The following POC5 variants were observed in gnomAD, a reference collection of about 807,000 sequenced individuals.
POC5 encodes POC5 centriolar protein, also known as centrosomal protein POC5.
POC5 carries 48 observed loss-of-function variants against 62.9 expected under a neutral mutation model. That is an observed-to-expected ratio of 0.76 (90% CI 0.61 to 0.97). The LOEUF (loss-of-function observed/expected upper bound fraction) is 0.97, where lower values mean the gene tolerates loss of function less well. Ranked by LOEUF, POC5 falls within the 50% of genes least tolerant of loss-of-function variation. The pLI is 0.00. For synonymous variants in POC5, 236 were observed against 228.2 expected (o/e 1.03, Z -0.31); for missense variants, 696 against 679.5 (o/e 1.02, Z -0.27).
At chr5:75,711,897 T>C (rs547121711) in intron 2 of POC5, among the ~76,000 whole-genome samples, 1 of 152,340 alleles carries the variant, frequency 6.6e-6, no homozygotes, top group African/African-American at 2.4e-5. Context: ...TTAGTATAAA[T>C]GAGTTAATCA....
intron 9 of POC5, among the ~76,000 whole-genome samples, chr5:75,687,629 A>G (rs1240510052): frequency 6.6e-6 from 1 of 152,236 alleles, no homozygotes; most frequent in African/African-American, 2.4e-5. Context: ...ATTGGCCTTT[A>G]GGAGACACAG....
In POC5 at chr5:75,677,968, TAAAAG is replaced by T. The variant is rs2112071000; in HGVS notation, c.1408-23_1408-19del. ...GGCACATACTAAGAAGAAAAAAAAA[TAAAAG>T]AAGTAACAAGGTGGCAGAAAATCCA... On this transcript the variant is annotated intron_variant, in intron 10 of 11. Coordinates refer to ENST00000428202, the MANE Select transcript of POC5 (RefSeq NM_001099271.2). The T allele has an allele frequency of 2.0e-6, 3 of 1,471,228 alleles. No individual in the cohort carries two copies. The highest frequency in any genetic ancestry group is 2.3e-5 in the Admixed American group (1 of 43,156). 91.1% of individuals were successfully genotyped at this position (1,471,228 alleles called of 1,614,324 possible).
chr5:75,689,108 CT>C lies in POC5; in HGVS notation c.1032del (p.Glu345SerfsTer7). 1 of 1,592,484 alleles carries C rather than the reference CT, an allele frequency of 6.3e-7. No individual in the cohort carries two copies. The highest frequency in any genetic ancestry group is 1.7e-5 in the Admixed American group (1 of 57,168). ...TTTTTCATGGAATCTTCAAAGTGCT[CT>C]TTTTCATGTTGCATTCTTTGAATCT... ...KAEIQRMQHE[K>X]EHFEDSMKKA... On this transcript the variant is annotated frameshift_variant, in exon 9 of 12. Coordinates refer to ENST00000428202, the MANE Select transcript of POC5 (RefSeq NM_001099271.2). LOFTEE classifies it high-confidence loss of function.
intron 9 of POC5, among the ~76,000 whole-genome samples, chr5:75,686,910 A>C (rs1776115832): frequency 6.6e-6 from 1 of 152,236 alleles, no homozygotes; most frequent in African/African-American, 2.4e-5. Context: ...ACTGCACAAC[A>C]TGAGAGGTAC....
At chr5:75,700,480 A>G (rs1474877076) in intron 5 of POC5, among the ~76,000 whole-genome samples, 2 of 151,862 alleles carry the variant, frequency 1.3e-5, no homozygotes, top group African/African-American at 2.4e-5. Context: ...AGGATTCCCT[A>G]TTTAATAAAT....
chr5:75,678,873 G>A (rs546097987), intron 10 of POC5, among the ~76,000 whole-genome samples: 6 of 152,220 alleles, frequency 3.9e-5, no homozygotes, highest in Non-Finnish European at 7.4e-5. Context: ...GGAATAACAC[G>A]TAAGTGGACT....
At chr5:75,681,877 G>C (rs1466119572) in intron 10 of POC5, among the ~76,000 whole-genome samples, 5 of 152,096 alleles carry the variant, frequency 3.3e-5, no homozygotes, top group Non-Finnish European at 7.3e-5. Context: ...AACAATGATG[G>C]TTTCACAGTA....
intron 8 of POC5, chr5:75,689,738 A>C (rs1776244139): frequency 2.2e-6 from 2 of 901,766 alleles, no homozygotes; most frequent in African/African-American, 3.6e-5. Context: ...TAATGCTGTA[A>C]TGAGTTATTT....
intron 6 of POC5, among the ~76,000 whole-genome samples, chr5:75,693,510 C>T (rs923145207): frequency 6.6e-6 from 1 of 152,038 alleles, no homozygotes; most frequent in African/African-American, 2.4e-5. Flanking sequence ...ATAAACTGAA[C>T]ATATGATATC....
intron 9 of POC5, among the ~76,000 whole-genome samples, chr5:75,688,557 G>A (rs913573636): frequency 1.3e-5 from 2 of 152,108 alleles, no homozygotes; most frequent in African/African-American, 4.8e-5. Context: ...TTGCTGCAAT[G>A]AGCTTAGTTG....
At chr5:75,694,319 A>T (rs1462186973) in intron 6 of POC5, among the ~76,000 whole-genome samples, 1 of 152,206 alleles carries the variant, frequency 6.6e-6, no homozygotes, top group Non-Finnish European at 1.5e-5. Context: ...AAACTAGTGT[A>T]CTTACATTTA....
chr5:75,682,241 C>G (rs1461562930), intron 10 of POC5, among the ~76,000 whole-genome samples: 1 of 152,194 alleles, frequency 6.6e-6, no homozygotes, highest in East Asian at 1.9e-4. Flanking sequence ...GGGTGCTAAG[C>G]AAACTCATTC....
At chr5:75,700,866 T>G (rs1776846311) in intron 5 of POC5, among the ~76,000 whole-genome samples, 1 of 138,392 alleles carries the variant, frequency 7.2e-6, no homozygotes, top group African/African-American at 2.6e-5. Context: ...CTCAAACAAA[T>G]TTACAAGAAA....
At chr5:75,716,635 G>T (rs1250134482) in intron 1 of POC5, among the ~76,000 whole-genome samples, 1 of 152,198 alleles carries the variant, frequency 6.6e-6, no homozygotes, top group Non-Finnish European at 1.5e-5. Flanking sequence ...TTTAATGGGT[G>T]GCGGACGCAC....
chr5:75,696,298 G>A (rs1291707758), intron 5 of POC5, among the ~76,000 whole-genome samples: 1 of 152,180 alleles, frequency 6.6e-6, no homozygotes, highest in Non-Finnish European at 1.5e-5. Context: ...AACCTCTGCA[G>A]ACTTAAATGT....
intron 3 of POC5, among the ~76,000 whole-genome samples, chr5:75,707,053 C>A (rs1032903787): frequency 6.6e-6 from 1 of 152,190 alleles, no homozygotes; most frequent in Non-Finnish European, 1.5e-5. Flanking sequence ...GGAGTTACGC[C>A]TATAGTGTGA....
chr5:75,690,410 G>A lies in POC5; in HGVS notation c.948C>T (p.Ser316=), dbSNP rs1386302465. Residue 316 remains serine, a synonymous_variant, in exon 8 of 12, where the codon TCC becomes TCT. Transcript: ENST00000428202. The part of the protein sequence containing the change: ...ARAEEVCIQI[S]NDYEAKVAML... ...TAGCAACTTTGGCTTCATAATCATT[G>A]GAAATCTGGATACAAACTTCTTCAG... 6.2e-7 allele frequency: 1 copy of A among 1,610,712 alleles called. No homozygotes were observed. Among genetic ancestry groups the A allele is most frequent in the Non-Finnish European group, 8.5e-7 (1 of 1,178,674 alleles).
intron 9 of POC5, among the ~76,000 whole-genome samples, chr5:75,686,166 A>G (rs1490595636): frequency 6.6e-6 from 1 of 152,202 alleles, no homozygotes; most frequent in Non-Finnish European, 1.5e-5. Context: ...TGATCTAAGG[A>G]GCCAATAATG....
rs780705806 is a variant in POC5 at position 75,694,607 on chromosome 5, C to T, written c.690+48G>A. 16 of 1,312,352 alleles carry T rather than the reference C, an allele frequency of 1.2e-5. 1 individual carries two copies. In the South Asian group the frequency reaches 2.4e-4, roughly 20 times the overall value. 81.3% of individuals were successfully genotyped at this position (1,312,352 alleles called of 1,614,324 possible). A position where few individuals can be genotyped will look rare whatever the true frequency, so the allele number is the denominator to read the frequency against. ...TCATTTCTTAGAATTTATTATCTAG[C>T]AAGACATTTACTGAATCTCAGTTAA... On this transcript the variant is annotated intron_variant, in intron 6 of 11. Transcript: ENST00000428202.
Sources: gnomAD v4.1 joint callset for allele counts (sites outside exome capture counted in the v4.1 genomes callset) on GRCh38, gnomAD v4.1.1 for gene constraint, MANE v1.5 for transcripts, NCBI Gene and HGNC (gene_info 2026-07-23, HGNC 2026-07-21) for gene names.